IGF2BP2: variants seen among roughly 807,000 people sequenced by gnomAD.
The protein encoded by IGF2BP2 is insulin like growth factor 2 mRNA binding protein 2, also known as insulin-like growth factor 2 mRNA-binding protein 2.
IGF2BP2 carries 17 observed loss-of-function variants against 75.8 expected under a neutral mutation model. The ratio of observed to expected loss-of-function variants is 0.22; its 90% CI spans 0.15 to 0.34. The LOEUF (loss-of-function observed/expected upper bound fraction) is 0.34. Among genes scored for constraint, IGF2BP2 ranks in the 10% least tolerant of loss-of-function variants. IGF2BP2 has a pLI of 1.00. For synonymous variants in IGF2BP2, 288 were observed against 295.6 expected (o/e 0.97, Z 0.26); for missense variants, 516 against 772.4 (o/e 0.67, Z 3.93).
At chr3:185,741,473 T>C (rs1463737357) in intron 2 of IGF2BP2, among the ~76,000 whole-genome samples, 3 of 152,198 alleles carry the variant, frequency 2.0e-5, no homozygotes, top group Non-Finnish European at 4.4e-5. Context: ...ATTTGACCAA[T>C]AGACACAAGA....
chr3:185,805,560 G>A (rs1007942788), intron 2 of IGF2BP2, among the ~76,000 whole-genome samples: 1 of 152,016 alleles, frequency 6.6e-6, no homozygotes, highest in South Asian at 2.1e-4. Flanking sequence ...CCCCAAGGCC[G>A]AGATTATACA....
rs1188454666 is a variant in IGF2BP2, at chr3:185,647,164, T to G, written c.1594-26A>C. 6.5e-7 allele frequency: 1 copy of G among 1,538,342 alleles called. No homozygotes were observed. Among genetic ancestry groups the G allele is most frequent in the Non-Finnish European group, 9.0e-7 (1 of 1,110,894 alleles). On this transcript the variant is annotated intron_variant, in intron 14 of 15. Coordinates refer to ENST00000382199, the MANE Select transcript of IGF2BP2 (RefSeq NM_006548.6). This position sits in a 1 kb window ranked among gnomAD's most constrained non-coding sequence, Gnocchi z 4.9. ...CTGTGAAGGGAGAAACGGCAACGGG[T>G]TGGATAGGTTCCCTCCCCGTCAACG...
intron 8 of IGF2BP2, among the ~76,000 whole-genome samples, 162 bp from the exon 9 acceptor site, chr3:185,675,593 C>T (rs1719212734): frequency 1.3e-5 from 2 of 152,166 alleles, no homozygotes; most frequent in African/African-American, 4.8e-5. Flanking sequence ...TCAAATCTTA[C>T]CAGTGATTTA....
chr3:185,669,881 C>A (rs115225111), intron 10 of IGF2BP2, among the ~76,000 whole-genome samples: 4,424 of 152,260 alleles, frequency 0.029, 206 homozygotes, highest in African/African-American at 0.1. Flanking sequence ...GTCTGCTGGG[C>A]CCACCAGGGA....
intron 2 of IGF2BP2, among the ~76,000 whole-genome samples, chr3:185,754,761 G>A (rs1731390248): frequency 6.6e-6 from 1 of 152,186 alleles, no homozygotes; most frequent in African/African-American, 2.4e-5. Flanking sequence ...GAGCTGCACT[G>A]TGTTCATGTC....
At chr3:185,697,420 T>G (rs966555985) in intron 3 of IGF2BP2, among the ~76,000 whole-genome samples, 4 of 151,928 alleles carry the variant, frequency 2.6e-5, no homozygotes, top group African/African-American at 9.7e-5. Flanking sequence ...ATCGTGTGTT[T>G]TTTTTTTTTA....
Position 185,768,687 on chromosome 3 carries a change from A to G in IGF2BP2, c.239+54466T>C, listed in dbSNP as rs1193061039. Among the ~76,000 whole-genome samples, 3 of 152,214 alleles carry G rather than the reference A, an allele frequency of 2.0e-5. No individual in the cohort carries two copies. The East Asian group carries it at 5.8e-4, about 29-fold the overall frequency. On this transcript the variant is annotated intron_variant, in intron 2 of 15. Transcript: ENST00000382199. The stretch of plus-strand genomic sequence containing the variant: ...CAGCACTGCCCTCTAGTGGTGGAGT[A>G]TCATGCTTTCACTTTGAAGCTTCTG...
chr3:185,689,447 C>T lies in IGF2BP2; in HGVS notation c.585G>A (p.Pro195=), dbSNP rs746680034. ...ACTGGGTGGGGACCAGGATCCGCAG[C>T]GGGAAATCAATCTGTCTGGCCTGAG... ...GTSQARQIDF[P]LRILVPTQFV... is the part of the protein sequence containing the mutation. Residue 195 remains proline (P), a synonymous_variant, in exon 6 of 16, where the codon CCG becomes CCA. Transcript: ENST00000382199. The T allele has an allele frequency of 2.0e-5, 32 of 1,613,514 alleles. No homozygotes were observed. Among genetic ancestry groups the T allele is most frequent in the Admixed American group, 1.8e-4 (11 of 59,964 alleles).
At chr3:185,656,669 A>G (rs996141207) in intron 12 of IGF2BP2, among the ~76,000 whole-genome samples, 5 of 152,204 alleles carry the variant, frequency 3.3e-5, no homozygotes, top group African/African-American at 1.2e-4. Context: ...CCAGGGGCAA[A>G]TAATCCTCCC....
chr3:185,661,364 C>T (rs542565571), intron 10 of IGF2BP2, among the ~76,000 whole-genome samples: 9 of 152,230 alleles, frequency 5.9e-5, no homozygotes, highest in African/African-American at 1.9e-4. Flanking sequence ...AGGCTGGGCA[C>T]GGTGGCTCAT....
intron 2 of IGF2BP2, among the ~76,000 whole-genome samples, chr3:185,781,452 C>A (rs1735188586): frequency 6.6e-6 from 1 of 152,062 alleles, no homozygotes; most frequent in Non-Finnish European, 1.5e-5. Flanking sequence ...GAAATATTCT[C>A]AATCTGACTT....
intron 5 of IGF2BP2, 95 bp from the exon 6 acceptor site, chr3:185,689,722 A>C: frequency 7.0e-7 from 1 of 1,429,958 alleles, no homozygotes; most frequent in Non-Finnish European, 9.8e-7. Context: ...TAATCCCAGC[A>C]CTTTGGGAGG....
intron 2 of IGF2BP2, among the ~76,000 whole-genome samples, chr3:185,742,496 G>A (rs539951952): frequency 3.4e-5 from 5 of 148,074 alleles, no homozygotes; most frequent in South Asian, 2.1e-4. Flanking sequence ...ACTCCATTTC[G>A]AAAAAAAAAT....
intron 2 of IGF2BP2, among the ~76,000 whole-genome samples, chr3:185,740,946 C>T (rs1193758817): frequency 6.6e-6 from 1 of 152,204 alleles, no homozygotes; most frequent in Non-Finnish European, 1.5e-5. Context: ...GGCGCGATCT[C>T]GGCTCACTGC....
intron 2 of IGF2BP2, among the ~76,000 whole-genome samples, chr3:185,698,875 T>G (rs1233031275): frequency 1.3e-5 from 2 of 152,024 alleles, no homozygotes; most frequent in East Asian, 3.9e-4. Flanking sequence ...AGTGCAGTGG[T>G]GTGACCTTGG....
At chr3:185,735,043 GATT>G (rs993898810) in intron 2 of IGF2BP2, among the ~76,000 whole-genome samples, 16 of 152,158 alleles carry the variant, frequency 1.1e-4, no homozygotes, top group African/African-American at 3.9e-4. Context: ...AGGCAGATGA[GATT>G]ATTAATGTTA....
At chr3:185,759,144 G>A (rs1354149303) in intron 2 of IGF2BP2, among the ~76,000 whole-genome samples, 1 of 152,132 alleles carries the variant, frequency 6.6e-6, no homozygotes, top group Non-Finnish European at 1.5e-5. Context: ...TAACACCTGG[G>A]ATACCAATGC....
intron 6 of IGF2BP2, 105 bp downstream of exon 6, chr3:185,689,250 C>T (rs1345018017): frequency 8.5e-7 from 1 of 1,170,458 alleles, no homozygotes. Flanking sequence ...TACAGCACAG[C>T]CCCCCACTGC....
At chr3:185,811,440 G>A (rs1298537469) in intron 2 of IGF2BP2, among the ~76,000 whole-genome samples, 3 of 152,158 alleles carry the variant, frequency 2.0e-5, no homozygotes, top group African/African-American at 4.8e-5. Flanking sequence ...CTGGCAACCC[G>A]TGGGCCAGAT....
Sources: allele counts gnomAD v4.1 joint callset (sites outside exome capture counted in the v4.1 genomes callset), GRCh38; gene constraint gnomAD v4.1.1; non-coding constraint Gnocchi (gnomAD v3.1); transcripts MANE v1.5; gene names NCBI Gene and HGNC (gene_info 2026-07-23, HGNC 2026-07-21).